Variants in SHISA6 observed in about 807,000 individuals in gnomAD.
SHISA6 encodes the protein protein shisa-6.
Under a neutral mutation model 47.9 loss-of-function variants are expected in SHISA6, and 22 were observed. The observed-to-expected ratio is 0.46, with a 90% confidence interval of 0.33 to 0.66. The LOEUF (loss-of-function observed/expected upper bound fraction) is 0.66. Among genes scored for constraint, SHISA6 ranks in the 30% least tolerant of loss-of-function variants. The pLI is 0.02. For synonymous variants in SHISA6, 388 were observed against 337.8 expected (o/e 1.15, Z -1.63); for missense variants, 680 against 764.6 (o/e 0.89, Z 1.30).
intron 3 of SHISA6, among the ~76,000 whole-genome samples, chr17:11,406,162 T>G (rs1913951095): frequency 6.6e-6 from 1 of 152,196 alleles, no homozygotes; most frequent in Non-Finnish European, 1.5e-5. Context: ...ACCTGCATGG[T>G]ACATTTACAC....
chr17:11,278,651 C>T (rs1179452807), intron 2 of SHISA6, among the ~76,000 whole-genome samples: 1 of 152,236 alleles, frequency 6.6e-6, no homozygotes, highest in Non-Finnish European at 1.5e-5. Context: ...GATCAAGACC[C>T]CGCTGTGGGT....
chr17:11,434,637 G>A (rs1434462479), intron 3 of SHISA6, among the ~76,000 whole-genome samples: 1 of 152,136 alleles, frequency 6.6e-6, no homozygotes, highest in Non-Finnish European at 1.5e-5. Context: ...CACATTTAGA[G>A]TTTTTCTCTA....
chr17:11,394,998 CTTTTTTTTTT>C (rs772109588), intron 3 of SHISA6, among the ~76,000 whole-genome samples: 1 of 95,102 alleles, frequency 1.1e-5, no homozygotes, highest in Non-Finnish European at 2.1e-5. Context: ...TTTTTCTTTT[CTTTTTTTTTT>C]TTTTTTTTTT....
chr17:11,446,052 T>C (rs1915225050), intron 3 of SHISA6, among the ~76,000 whole-genome samples: 1 of 152,152 alleles, frequency 6.6e-6, no homozygotes. Flanking sequence ...GGTCTTGAAC[T>C]CCTGACCTCG....
At chr17:11,329,416 C>T (rs543119604) in intron 2 of SHISA6, among the ~76,000 whole-genome samples, 14 of 152,282 alleles carry the variant, frequency 9.2e-5, no homozygotes, top group African/African-American at 3.1e-4. Flanking sequence ...ACTGTTATCT[C>T]GGAGACTGTC....
At chr17:11,252,000 T>C (rs1907829850) in intron 1 of SHISA6, among the ~76,000 whole-genome samples, 1 of 152,198 alleles carries the variant, frequency 6.6e-6, no homozygotes, top group African/African-American at 2.4e-5. Flanking sequence ...CCTGAGGGTG[T>C]GTGAAAATGT....
At chr17:11,283,120 A>T (rs545565402) in intron 2 of SHISA6, among the ~76,000 whole-genome samples, 11 of 152,318 alleles carry the variant, frequency 7.2e-5, no homozygotes, top group Middle Eastern at 3.4e-3. Flanking sequence ...ACTTCGCAGG[A>T]TTCAACTCTA....
At chr17:11,500,981 T>C (rs529643173) in intron 3 of SHISA6, among the ~76,000 whole-genome samples, 1 of 152,286 alleles carries the variant, frequency 6.6e-6, no homozygotes, top group South Asian at 2.1e-4. Context: ...GAGTCCCTTC[T>C]TACACATGAA....
chr17:11,272,501 G>A (rs1269838684), intron 2 of SHISA6, among the ~76,000 whole-genome samples: 2 of 152,160 alleles, frequency 1.3e-5, no homozygotes, highest in Non-Finnish European at 2.9e-5. Flanking sequence ...TCACTAGCTG[G>A]AAGTAGGGCT....
chr17:11,440,289 C>T (rs900339694), intron 3 of SHISA6, among the ~76,000 whole-genome samples: 3 of 152,072 alleles, frequency 2.0e-5, no homozygotes, highest in Admixed American at 6.6e-5. Context: ...AAACTTTAGC[C>T]AACAATGAAA....
chr17:11,543,264 T>TAG (rs1445238901), intron 3 of SHISA6, among the ~76,000 whole-genome samples: 1 of 152,072 alleles, frequency 6.6e-6, no homozygotes, highest in African/African-American at 2.4e-5. Flanking sequence ...TACATATATA[T>TAG]AGAGAGAGAT....
At chr17:11,405,277 G>A (rs142187995) in intron 3 of SHISA6, among the ~76,000 whole-genome samples, 1 of 152,212 alleles carries the variant, frequency 6.6e-6, no homozygotes, top group East Asian at 1.9e-4. Flanking sequence ...TAGGTCTAGG[G>A]TGCCCCTGAG....
At chr17:11,410,791 T>G (rs1412155407) in intron 3 of SHISA6, among the ~76,000 whole-genome samples, 1 of 152,048 alleles carries the variant, frequency 6.6e-6, no homozygotes, top group African/African-American at 2.4e-5. Context: ...AATTTTCCAG[T>G]ACCACCCCAG....
intron 2 of SHISA6, among the ~76,000 whole-genome samples, chr17:11,319,086 T>C (rs1910622189): frequency 6.6e-6 from 1 of 151,186 alleles, no homozygotes; most frequent in African/African-American, 2.4e-5. Context: ...TTTTTTTTTT[T>C]TTTTTTCCTT....
intron 3 of SHISA6, among the ~76,000 whole-genome samples, chr17:11,398,478 A>C (rs1396219138): frequency 6.6e-6 from 1 of 152,096 alleles, no homozygotes; most frequent in Non-Finnish European, 1.5e-5. Context: ...CATTCAGAAG[A>C]CTGTTACTTT....
intron 3 of SHISA6, among the ~76,000 whole-genome samples, chr17:11,514,041 C>G (rs1482992704): frequency 6.6e-6 from 1 of 152,130 alleles, no homozygotes; most frequent in Non-Finnish European, 1.5e-5. Context: ...CATGCTCTGA[C>G]AGTCTGGTGC....
At chr17:11,346,178 G>A (rs1911694649) in intron 2 of SHISA6, among the ~76,000 whole-genome samples, 1 of 152,096 alleles carries the variant, frequency 6.6e-6, no homozygotes, top group South Asian at 2.1e-4. Flanking sequence ...ATTTTGTCAG[G>A]TGCTTTTTCT....
At chr17:11,511,174 C>G (rs1288738304) in intron 3 of SHISA6, among the ~76,000 whole-genome samples, 1 of 152,124 alleles carries the variant, frequency 6.6e-6, no homozygotes, top group East Asian at 1.9e-4. Context: ...TCTCAGCAAA[C>G]TAACACAGGA....
chr17:11,400,113 A>G (rs754741010), intron 3 of SHISA6, among the ~76,000 whole-genome samples: 16 of 152,106 alleles, frequency 1.1e-4, no homozygotes, highest in Admixed American at 7.9e-4. Context: ...TTAAACCTCT[A>G]CTATTCTCTT....
Sources: gnomAD v4.1 joint callset for allele counts (sites outside exome capture counted in the v4.1 genomes callset) on GRCh38, gnomAD v4.1.1 for gene constraint, MANE v1.5 for transcripts, NCBI Gene and HGNC (gene_info 2026-07-23, HGNC 2026-07-21) for gene names.